HS2ST1: variants seen among roughly 807,000 people sequenced by gnomAD.
The protein encoded by HS2ST1 is 2-O-sulfotransferase.
A neutral mutation model predicts 42.9 loss-of-function variants in HS2ST1; 18 were observed. The ratio of observed to expected loss-of-function variants is 0.42; its 90% confidence interval spans 0.29 to 0.62. HS2ST1 has a LOEUF of 0.62. HS2ST1 is among the 20% of genes least tolerant of loss of function. HS2ST1 has a pLI of 0.21. For missense variants in HS2ST1, 334 were observed against 433.8 expected, an observed-to-expected ratio of 0.77 and a Z score of 2.04; for synonymous variants, 146 against 152.9, an observed-to-expected ratio of 0.95 and a Z score of 0.33.
At position 87,097,928 on chromosome 1, in the gene HS2ST1, G is replaced by C. The variant is rs373595250; in HGVS notation, c.679G>C (p.Glu227Gln). The change falls in exon 5 of 7, where the codon GAA becomes CAA. Residue 227 changes from glutamate to glutamine, a missense_variant. Physicochemically the swap from Glu to Gln is conservative, Grantham distance 29. Coordinates refer to ENST00000370550, the MANE Select transcript of HS2ST1 (RefSeq NM_012262.4). ...CCCGTTCTTCTGTGGCCATAGCTCC[G>C]AATGCTGGTAGGGGAGATAAAGTTG... ...QIPFFCGHSS[E>Q]CWNVGSRWAM... is the part of the protein sequence containing the mutation. 3.1e-6 allele frequency: 5 copies of C among 1,613,776 alleles called. No homozygotes were observed. The African/African-American group carries it at 6.7e-5, about 22-fold the overall frequency.
chr1:87,007,275 T>C (rs1649468950), intron 1 of HS2ST1, among the ~76,000 whole-genome samples: 2 of 152,140 alleles, frequency 1.3e-5, no homozygotes, highest in African/African-American at 4.8e-5. Flanking sequence ...CATATTCATA[T>C]AACATCCTAA....
intron 1 of HS2ST1, among the ~76,000 whole-genome samples, chr1:87,068,264 T>G (rs892345241): frequency 6.6e-6 from 1 of 152,202 alleles, no homozygotes; most frequent in Admixed American, 6.5e-5. Flanking sequence ...ATAGTTCTCC[T>G]TGACGAGGTC....
At chr1:86,946,863 A>T (rs1343965841) in intron 1 of HS2ST1, among the ~76,000 whole-genome samples, 2 of 152,180 alleles carry the variant, frequency 1.3e-5, no homozygotes, top group African/African-American at 4.8e-5. Context: ...TTAGTAAAAA[A>T]CTTAGACTTG....
At chr1:87,014,405 G>GC (rs1649690507) in intron 1 of HS2ST1, among the ~76,000 whole-genome samples, 1 of 152,140 alleles carries the variant, frequency 6.6e-6, no homozygotes, top group South Asian at 2.1e-4. Flanking sequence ...GGAAAGACCT[G>GC]CCCCCATGAT....
chr1:87,031,849 T>C (rs549123556), intron 1 of HS2ST1, among the ~76,000 whole-genome samples: 1 of 152,314 alleles, frequency 6.6e-6, no homozygotes, highest in Admixed American at 6.5e-5. Context: ...GTTAAAAATG[T>C]TGGTGACAAT....
chr1:87,046,710 G>A (rs1207823735), intron 1 of HS2ST1: 6 of 1,041,788 alleles, frequency 5.8e-6, no homozygotes, highest in South Asian at 1.6e-5. Context: ...AGCTGTGCAT[G>A]TCGATTTTAT....
At chr1:87,097,514 C>T (rs1652096631) in intron 4 of HS2ST1, among the ~76,000 whole-genome samples, 1 of 152,166 alleles carries the variant, frequency 6.6e-6, no homozygotes, top group African/African-American at 2.4e-5. Context: ...CCGCCTCAGC[C>T]TCCTGAGTAG....
chr1:87,097,740 C>A, intron 4 of HS2ST1, 98 bp from the exon 5 acceptor site: 2 of 1,387,390 alleles, frequency 1.4e-6, no homozygotes, highest in East Asian at 2.4e-5. Flanking sequence ...CTCATCCCAC[C>A]TACTCTGGCC....
intron 1 of HS2ST1, among the ~76,000 whole-genome samples, chr1:87,021,870 A>G: frequency 6.6e-6 from 1 of 152,194 alleles, no homozygotes; most frequent in African/African-American, 2.4e-5. Context: ...AACTCTGACT[A>G]TACATTTCAA....
chr1:86,967,281 A>G (rs1270135054), intron 1 of HS2ST1, among the ~76,000 whole-genome samples: 1 of 152,146 alleles, frequency 6.6e-6, no homozygotes, highest in Non-Finnish European at 1.5e-5. Flanking sequence ...CATTTGTACT[A>G]TATTTCTTAT....
intron 3 of HS2ST1, among the ~76,000 whole-genome samples, chr1:87,091,557 G>A (rs1201924871): frequency 6.6e-6 from 1 of 151,966 alleles, no homozygotes; most frequent in Non-Finnish European, 1.5e-5. Flanking sequence ...TAGATTGAAA[G>A]GGAGAGAAAC....
chr1:86,987,995 G>T (rs1185853012), intron 1 of HS2ST1, among the ~76,000 whole-genome samples: 1 of 152,112 alleles, frequency 6.6e-6, no homozygotes, highest in Non-Finnish European at 1.5e-5. Context: ...GGATGAGAGA[G>T]ACTCCTCGTC....
At chr1:86,997,702 G>A (rs1393805027) in intron 1 of HS2ST1, among the ~76,000 whole-genome samples, 2 of 152,130 alleles carry the variant, frequency 1.3e-5, no homozygotes. Flanking sequence ...ACCACAGCTA[G>A]TACTGAACTC....
At chr1:87,033,634 TC>T (rs984924329) in intron 1 of HS2ST1, among the ~76,000 whole-genome samples, 64 of 152,148 alleles carry the variant, frequency 4.2e-4, no homozygotes, top group African/African-American at 1.3e-3. Context: ...ACCTCCGCCT[TC>T]CGGGTTCAAG....
intron 1 of HS2ST1, among the ~76,000 whole-genome samples, chr1:87,028,339 G>A (rs1018299856): frequency 6.6e-6 from 1 of 152,150 alleles, no homozygotes; most frequent in African/African-American, 2.4e-5. Context: ...TCTTCCAATC[G>A]CCCTTCAAAT....
chr1:87,046,218 C>A, intron 1 of HS2ST1: 1 of 877,330 alleles, frequency 1.1e-6, no homozygotes, highest in Non-Finnish European at 1.9e-6. Flanking sequence ...TGCTGGGTAT[C>A]TTGGACAAGT....
intron 1 of HS2ST1, among the ~76,000 whole-genome samples, chr1:86,989,682 T>C (rs1648886858): frequency 6.6e-6 from 1 of 152,176 alleles, no homozygotes; most frequent in African/African-American, 2.4e-5. Flanking sequence ...CAACCTGTCA[T>C]CTACATTAGG....
Position 87,107,300 on chromosome 1 carries a change from G to A in HS2ST1, c.*2604G>A, listed in dbSNP as rs1652348560. 6.6e-6 allele frequency: 1 copy of A among 151,928 alleles called. No individual in the cohort carries two copies. The highest frequency in any genetic ancestry group is 1.5e-5 in the Non-Finnish European group (1 of 67,900). 9.4% of individuals were successfully genotyped at this position (151,928 alleles called of 1,614,324 possible). On this transcript the variant is annotated 3_prime_UTR_variant, in exon 7 of 7. Transcript: ENST00000370550. ...TTTATGACTTATATTGTTTCCAGGTGGGCATGGTTTATTTCCCAGTTTAAC... is the reference window on the plus strand; with the variant it reads ...TTTATGACTTATATTGTTTCCAGGTAGGCATGGTTTATTTCCCAGTTTAAC...
chr1:87,099,919 A>G (rs1238082075), intron 5 of HS2ST1, among the ~76,000 whole-genome samples: 7 of 152,210 alleles, frequency 4.6e-5, no homozygotes, highest in Admixed American at 2.6e-4. Context: ...TAAAGCTCCA[A>G]CATAATCCTT....
Sources: gnomAD v4.1 joint callset for allele counts (sites outside exome capture counted in the v4.1 genomes callset) on GRCh38, gnomAD v4.1.1 for gene constraint, MANE v1.5 for transcripts, NCBI Gene and HGNC (gene_info 2026-07-23, HGNC 2026-07-21) for gene names.